The following LAMB1 variants were observed in gnomAD, a reference collection of about 807,000 sequenced individuals.
The protein encoded by LAMB1 is laminin subunit beta 1.
LAMB1 carries 121 observed loss-of-function variants against 222.3 expected under a neutral mutation model. The ratio of observed to expected loss-of-function variants is 0.54; its 90% CI spans 0.47 to 0.63. LAMB1 has a LOEUF of 0.63. Ranked by LOEUF, LAMB1 falls within the 30% of genes least tolerant of loss-of-function variation. The probability of loss-of-function intolerance (pLI) is 0.00; values close to 1 mark genes in which losing one functional copy is unlikely to be tolerated. For missense variants in LAMB1, 2,172 were observed against 2,240.8 expected (o/e 0.97, Z 0.62); for synonymous variants, 794 against 807.2 (o/e 0.98, Z 0.28).
intron 24 of LAMB1, among the ~76,000 whole-genome samples, chr7:107,943,059 T>A (rs1327976828): frequency 6.6e-6 from 1 of 152,198 alleles, no homozygotes. Context: ...TTTTCTTGTT[T>A]GGGGAATATT....
In LAMB1 at chr7:107,959,842, T is replaced by C; in HGVS notation, c.2315-8A>G. 1 of 1,611,102 alleles carries C rather than the reference T, an allele frequency of 6.2e-7. No individual in the cohort carries two copies. Among genetic ancestry groups the C allele is most frequent in the Middle Eastern group, 1.7e-4 (1 of 6,056 alleles). Reference sequence around the variant, plus strand: ...GAGGGTCGCATTCACAAGCTGTGGGTAAAGAGAGGCCAGAACCCATGACAC... The same window carrying C: ...GAGGGTCGCATTCACAAGCTGTGGGCAAAGAGAGGCCAGAACCCATGACAC... On this transcript the variant is annotated splice_polypyrimidine_tract_variant and splice_region_variant and intron_variant, in intron 18 of 33. Coordinates refer to ENST00000222399, the MANE Select transcript of LAMB1 (RefSeq NM_002291.3).
At chr7:107,980,843 G>T in intron 7 of LAMB1, 32 bp from the exon 8 acceptor site, 2 of 1,373,466 alleles carry the variant, frequency 1.5e-6, no homozygotes, top group South Asian at 1.2e-5. Context: ...TGAAAAGTCT[G>T]ATCAGACAAG....
chr7:107,981,612 G>A (rs961687379), intron 7 of LAMB1, among the ~76,000 whole-genome samples: 2 of 152,166 alleles, frequency 1.3e-5, no homozygotes, highest in Non-Finnish European at 2.9e-5. Context: ...TGAAAGTGGA[G>A]AAATTATAAG....
intron 21 of LAMB1, among the ~76,000 whole-genome samples, chr7:107,954,158 A>G (rs1562986988): frequency 6.6e-6 from 1 of 151,850 alleles, no homozygotes; most frequent in Non-Finnish European, 1.5e-5. Flanking sequence ...TAATCCAAGG[A>G]TTACATTTTT....
intron 13 of LAMB1, among the ~76,000 whole-genome samples, chr7:107,965,534 A>G (rs2033616059): frequency 6.6e-6 from 1 of 152,194 alleles, no homozygotes; most frequent in African/African-American, 2.4e-5. Context: ...AGCTGAGATC[A>G]CGCCATTGCA....
At chr7:107,946,679 A>C (rs892940754) in intron 24 of LAMB1, among the ~76,000 whole-genome samples, 1 of 152,258 alleles carries the variant, frequency 6.6e-6, no homozygotes, top group African/African-American at 2.4e-5. Flanking sequence ...CACTCTACTG[A>C]CAACAGTATT....
At position 107,963,043 on chromosome 7, in the gene LAMB1, C is replaced by G. The variant is rs142833576; in HGVS notation, c.1719G>C (p.Arg573=). 9.1e-5 allele frequency: 147 copies of G among 1,613,224 alleles called. No individual in the cohort carries two copies. The highest frequency in any genetic ancestry group is 1.2e-4 in the Non-Finnish European group (143 of 1,179,550). Residue 573 remains arginine (R), a synonymous_variant, in exon 15 of 34, where the codon CGG becomes CGC. Coordinates refer to ENST00000222399, the MANE Select transcript of LAMB1 (RefSeq NM_002291.3). The part of the protein sequence containing the change: ...NLGPGVSIVE[R]QYIQDRIPSW... Reference sequence around the variant, plus strand: ...AGGGAATCCGGTCCTGGATATATTGCCGCTCCACTATGCTAACCCCCTGAG... The same window carrying G: ...AGGGAATCCGGTCCTGGATATATTGGCGCTCCACTATGCTAACCCCCTGAG...
At position 107,962,948 on chromosome 7, in the gene LAMB1, G is replaced by T; in HGVS notation, c.1814C>A (p.Pro605Gln). 6.2e-7 allele frequency: 1 copy of T among 1,613,984 alleles called. No individual in the cohort carries two copies. Among genetic ancestry groups the T allele is most frequent in the Non-Finnish European group, 8.5e-7 (1 of 1,179,948 alleles). Residue 605 changes from proline (P) to glutamine (Q), a missense_variant, in exon 15 of 34, where the codon CCA becomes CAA. Physicochemically the swap from Pro to Gln is moderately conservative, Grantham distance 76. Transcript: ENST00000222399. ...AYLEFFIDNI[P>Q]YSMEYDILIR... ...TAGGATGTCGTACTCCATGGAATAT[G>T]GTATGTTGTCAATGAAAAACTCCAA...
rs1197942287 is a variant in LAMB1 at position 107,959,743 on chromosome 7, G to A, written c.2406C>T (p.Thr802=). 1 of 1,614,216 alleles carries A rather than the reference G, an allele frequency of 6.2e-7. No homozygotes were observed. The highest frequency in any genetic ancestry group is 1.3e-5 in the African/African-American group (1 of 75,064). Reference sequence around the variant, plus strand: ...AAGTTCCAGGTGCACATCTGTTGCAGGTTCTTCCAACCACGTTGGGCCGGC... The same window carrying A: ...AAGTTCCAGGTGCACATCTGTTGCAAGTTCTTCCAACCACGTTGGGCCGGC... ...CQCRPNVVGR[T]CNRCAPGTFG... Residue 802 remains threonine (T), a synonymous_variant, in exon 19 of 34, where the codon ACC becomes ACT. Coordinates refer to ENST00000222399, the MANE Select transcript of LAMB1 (RefSeq NM_002291.3).
chr7:108,001,843 T>C (rs1423898829), intron 2 of LAMB1, 110 bp from the exon 3 acceptor site: 1 of 1,521,614 alleles, frequency 6.6e-7, no homozygotes, highest in South Asian at 1.2e-5. Context: ...GACAGTCCAT[T>C]CGGAAGAAAG....
chr7:107,957,479 C>CA (rs1304105460), intron 20 of LAMB1, among the ~76,000 whole-genome samples: 2 of 152,196 alleles, frequency 1.3e-5, no homozygotes, highest in African/African-American at 4.8e-5. Flanking sequence ...ACCTGCGAGT[C>CA]AGAGGTTGCA....
intron 4 of LAMB1, among the ~76,000 whole-genome samples, chr7:107,997,600 T>C (rs2034304653): frequency 6.6e-6 from 1 of 152,206 alleles, no homozygotes; most frequent in South Asian, 2.1e-4. Context: ...GGTTCACTTC[T>C]TTGAGGATAC....
intron 28 of LAMB1, 41 bp from the exon 29 acceptor site, chr7:107,931,541 C>T (rs1194263436): frequency 6.3e-7 from 1 of 1,584,410 alleles, no homozygotes; most frequent in Non-Finnish European, 8.6e-7. Context: ...GACTTTCATT[C>T]TTTCTAAAGG....
intron 17 of LAMB1, 85 bp downstream of exon 17, chr7:107,961,121 T>C: frequency 5.9e-6 from 9 of 1,518,158 alleles, no homozygotes; most frequent in Non-Finnish European, 8.2e-6. Context: ...GCCTCAGCAT[T>C]ACCCCTCAAC....
At chr7:107,966,876 T>C (rs899311880) in intron 13 of LAMB1, among the ~76,000 whole-genome samples, 13 of 152,346 alleles carry the variant, frequency 8.5e-5, no homozygotes, top group African/African-American at 3.1e-4. Flanking sequence ...AGGAATTCCC[T>C]TAACAGCGGC....
chr7:107,936,631 A>G (rs951923281), intron 26 of LAMB1, among the ~76,000 whole-genome samples: 5 of 152,228 alleles, frequency 3.3e-5, no homozygotes, highest in Non-Finnish European at 5.9e-5. Flanking sequence ...GTATGATGTA[A>G]CATATTTCTA....
At chr7:107,932,532 GC>G (rs2032738534) in intron 27 of LAMB1, 155 bp from the exon 28 acceptor site, 1 of 674,498 alleles carries the variant, frequency 1.5e-6, no homozygotes, top group African/African-American at 1.8e-5. Flanking sequence ...GGAGAGAGGA[GC>G]AGAGAGTTTA....
At chr7:107,976,102 A>G (rs1188147655) in intron 9 of LAMB1, among the ~76,000 whole-genome samples, 3 of 152,230 alleles carry the variant, frequency 2.0e-5, no homozygotes, top group African/African-American at 7.2e-5. Context: ...ATAAACAGTT[A>G]TCTGACCTCT....
Position 107,952,178 on chromosome 7 carries a change from C to T in LAMB1, c.3125G>A (p.Gly1042Asp). The change falls in exon 23 of 34, where the codon GGC (glycine) becomes GAC (aspartate). Residue 1042 changes from glycine to aspartate, a missense_variant. By Grantham distance (94) the Gly-to-Asp change is moderately conservative (BLOSUM62 -1). Coordinates refer to ENST00000222399, the MANE Select transcript of LAMB1 (RefSeq NM_002291.3). Reference protein sequence around the residue: ...YLGTVQEHCNGSDCQCDKATG... With the variant: ...YLGTVQEHCNDSDCQCDKATG... ...GGCTTTGTCGCACTGGCAGTCAGAG[C>T]CGTTACAGTGCTCTTGCACGGTGCC... 6.2e-7 allele frequency: 1 copy of T among 1,613,310 alleles called. No individual in the cohort carries two copies. The highest frequency in any genetic ancestry group is 1.1e-5 in the South Asian group (1 of 90,948).
Sources: allele counts gnomAD v4.1 joint callset (sites outside exome capture counted in the v4.1 genomes callset), GRCh38; gene constraint gnomAD v4.1.1; transcripts MANE v1.5; gene names NCBI Gene and HGNC (gene_info 2026-07-23, HGNC 2026-07-21).